Variants in SPATA13 observed in about 807,000 individuals in gnomAD.
SPATA13 encodes the protein spermatogenesis-associated protein 13.
A neutral mutation model predicts 104.0 loss-of-function variants in SPATA13; 50 were observed. The ratio of observed to expected loss-of-function variants is 0.48; its 90% confidence interval spans 0.38 to 0.61. SPATA13 has a LOEUF of 0.61. Ranked by LOEUF, SPATA13 falls within the 20% of genes least tolerant of loss-of-function variation. The pLI is 0.00. For synonymous variants in SPATA13, 606 were observed against 667.5 expected, an observed-to-expected ratio of 0.91 and a Z score of 1.42; for missense variants, 1,524 against 1,690.6, an observed-to-expected ratio of 0.90 and a Z score of 1.73.
intron 1 of SPATA13, among the ~76,000 whole-genome samples, chr13:24,219,292 T>C (rs756724199): frequency 2.0e-5 from 3 of 152,242 alleles, no homozygotes; most frequent in Non-Finnish European, 4.4e-5. Flanking sequence ...AGTTTCATTC[T>C]TAGCAGCACA....
intron 3 of SPATA13, among the ~76,000 whole-genome samples, chr13:24,045,023 C>T (rs1878084452): frequency 2.6e-5 from 4 of 152,130 alleles, no homozygotes; most frequent in Admixed American, 2.6e-4. Flanking sequence ...TCGTGTTTCC[C>T]TTGAACTCCC....
intron 3 of SPATA13, among the ~76,000 whole-genome samples, chr13:24,140,504 A>AC (rs1881727534): frequency 6.6e-6 from 1 of 152,214 alleles, no homozygotes; most frequent in African/African-American, 2.4e-5. Flanking sequence ...AACCCCAAAC[A>AC]CAAGGGTCAC....
At chr13:24,280,379 G>C (rs1875404296) in intron 4 of SPATA13, among the ~76,000 whole-genome samples, 1 of 152,020 alleles carries the variant, frequency 6.6e-6, no homozygotes, top group Non-Finnish European at 1.5e-5. Flanking sequence ...CTAGATCATG[G>C]TAAAGAATTC....
intron 2 of SPATA13, among the ~76,000 whole-genome samples, chr13:24,238,371 G>A (rs1419752498): frequency 6.6e-6 from 1 of 152,058 alleles, no homozygotes; most frequent in Admixed American, 6.6e-5. Context: ...TGGCCAGGCT[G>A]GTCTCAAACT....
At chr13:24,105,874 G>C (rs972174006) in intron 3 of SPATA13, among the ~76,000 whole-genome samples, 8 of 152,270 alleles carry the variant, frequency 5.3e-5, no homozygotes, top group African/African-American at 1.9e-4. Flanking sequence ...GGTAGACCTT[G>C]TGAAGACACA....
intron 3 of SPATA13, among the ~76,000 whole-genome samples, chr13:24,037,141 C>G (rs980233226): frequency 2.2e-5 from 3 of 139,198 alleles, no homozygotes; most frequent in Admixed American, 8.0e-5. Flanking sequence ...TAATTGAAAA[C>G]AGGTTCTTCA....
At chr13:24,201,160 G>A (rs1463932946) in intron 1 of SPATA13, among the ~76,000 whole-genome samples, 1 of 151,510 alleles carries the variant, frequency 6.6e-6, no homozygotes, top group East Asian at 1.9e-4. Flanking sequence ...ATGCTTATTA[G>A]CACAAGGGGC....
chr13:24,053,704 G>A (rs930762256), intron 3 of SPATA13, among the ~76,000 whole-genome samples: 3 of 152,040 alleles, frequency 2.0e-5, no homozygotes, highest in East Asian at 1.9e-4. Context: ...CGTGAGGAAG[G>A]CAATGTTTGG....
intron 3 of SPATA13, among the ~76,000 whole-genome samples, chr13:24,020,508 G>C: frequency 6.6e-6 from 1 of 152,206 alleles, no homozygotes; most frequent in Admixed American, 6.5e-5. Flanking sequence ...CTCAGAGGCC[G>C]TGAGAGGGAG....
Position 24,203,436 on chromosome 13 carries a change from C to T in SPATA13, c.-111-19383C>T, listed in dbSNP as rs150177682. Among the ~76,000 whole-genome samples the T allele has an allele frequency of 1.7e-3, 264 of 152,258 alleles. 1 individual carries two copies. Among genetic ancestry groups the T allele is most frequent in the African/African-American group, 6.0e-3 (250 of 41,546 alleles). On this transcript the variant is annotated intron_variant, in intron 1 of 12. Transcript: ENST00000382108. ...TGAGCCCCTAAGAAAGCCTCAAAAG[C>T]GCTAGCTACATTTTGTAAAGTCTGT...
intron 1 of SPATA13, among the ~76,000 whole-genome samples, chr13:24,184,692 A>C (rs1164090244): frequency 1.3e-5 from 2 of 152,160 alleles, no homozygotes; most frequent in East Asian, 3.8e-4. Flanking sequence ...CGCTCTGCTA[A>C]TTTCATGATC....
rs879281565 is a variant in SPATA13 at position 23,983,805 on chromosome 13, A to AT, written c.-269dup. ...AGCTAGGGGTGACCTGTCTATCTGC[A>AT]TTTTTTGAGCTGCAGAGTGATGGGA... On this transcript the variant is annotated 5_prime_UTR_variant, in exon 2 of 15. Coordinates refer to the SPATA13 transcript ENST00000424834. 91 of 884,336 alleles carry AT rather than the reference A, an allele frequency of 1.0e-4. No individual in the cohort carries two copies. In the Admixed American group the frequency reaches 1.2e-3, roughly 12 times the overall value. 54.8% of individuals were successfully genotyped at this position (884,336 alleles called of 1,614,324 possible).
chr13:24,293,248 A>G (rs1434761397), intron 9 of SPATA13, among the ~76,000 whole-genome samples: 1 of 151,490 alleles, frequency 6.6e-6, no homozygotes, highest in East Asian at 1.9e-4. Flanking sequence ...AAAACAGGGA[A>G]GTCAAGAGAG....
rs753974321 is a variant in SPATA13 at position 24,297,473 on chromosome 13, GCTGGTGTC to G, written c.3325_3332del (p.Val1109GlnfsTer20). On this transcript the variant is annotated frameshift_variant, in exon 11 of 13. Transcript: ENST00000382108. LOFTEE classifies it high-confidence loss of function. ...GGACGTTCTTCCTGTTTGACCACCA[GCTGGTGTC>G]CTGCAAGAAGGACCTGCTGCGCAGG... 15 of 1,614,092 alleles carry G rather than the reference GCTGGTGTC, an allele frequency of 9.3e-6. No homozygotes were observed. Among genetic ancestry groups the G allele is most frequent in the Non-Finnish European group, 8.5e-7 (1 of 1,180,036 alleles).
intron 3 of SPATA13, among the ~76,000 whole-genome samples, chr13:24,022,483 T>C (rs1473245932): frequency 1.3e-5 from 2 of 152,226 alleles, no homozygotes; most frequent in South Asian, 4.1e-4. Flanking sequence ...TTTAAAGTAA[T>C]GTTTAATGAG....
At chr13:24,022,871 A>C (rs1279405410) in intron 3 of SPATA13, among the ~76,000 whole-genome samples, 2 of 152,196 alleles carry the variant, frequency 1.3e-5, no homozygotes, top group African/African-American at 4.8e-5. Context: ...CATGAGCTGG[A>C]CAAAAACTTT....
intron 3 of SPATA13, among the ~76,000 whole-genome samples, chr13:24,085,643 C>T (rs183417901): frequency 2.6e-5 from 4 of 152,332 alleles, no homozygotes; most frequent in African/African-American, 9.6e-5. Flanking sequence ...CCTGACTTTA[C>T]TCACTTCCAT....
chr13:24,001,296 G>A (rs536909455), intron 2 of SPATA13, among the ~76,000 whole-genome samples: 2 of 152,276 alleles, frequency 1.3e-5, no homozygotes, highest in South Asian at 4.1e-4. Flanking sequence ...AGGAGGTGAC[G>A]CCTCTGCGCT....
intron 1 of SPATA13, among the ~76,000 whole-genome samples, chr13:24,162,757 A>G (rs1034957155): frequency 3.9e-5 from 6 of 152,200 alleles, no homozygotes; most frequent in African/African-American, 1.2e-4. Flanking sequence ...GACAGATGAG[A>G]AAAGGAAGGC....
Sources: gnomAD v4.1 joint callset for allele counts (sites outside exome capture counted in the v4.1 genomes callset) on GRCh38, gnomAD v4.1.1 for gene constraint, MANE v1.5 for transcripts, NCBI Gene and HGNC (gene_info 2026-07-23, HGNC 2026-07-21) for gene names.